SH3YL1: variants seen among roughly 807,000 people sequenced by gnomAD.
SH3YL1 encodes SH3 and SYLF domain containing 1.
In SH3YL1, 41 loss-of-function variants were observed where a neutral mutation model predicts 45.8. The ratio of observed to expected loss-of-function variants is 0.89; its 90% confidence interval spans 0.70 to 1.16. The LOEUF (loss-of-function observed/expected upper bound fraction) is 1.16, where lower values mean the gene tolerates loss of function less well. Among genes scored for constraint, SH3YL1 ranks in the 50% most tolerant of loss-of-function variants. The probability of loss-of-function intolerance (pLI) is 0.00; values close to 1 mark genes in which losing one functional copy is unlikely to be tolerated. For missense variants in SH3YL1, 389 were observed against 409.6 expected, an observed-to-expected ratio of 0.95 and a Z score of 0.43; for synonymous variants, 152 against 151.4, an observed-to-expected ratio of 1.00 and a Z score of -0.03.
chr2:260,594 A>G (rs4854299), intron 1 of SH3YL1: 152,213 of 152,366 alleles, frequency 1, 76,032 homozygotes, highest in Middle Eastern at 1. Flanking sequence ...CAAAGCCTTC[A>G]TAGGGGAACC....
chr2:231,327 A>G, intron 6 of SH3YL1, 136 bp from the exon 7 acceptor site: 1 of 686,514 alleles, frequency 1.5e-6, no homozygotes, highest in Admixed American at 3.1e-5. Context: ...CTTTTTAAAC[A>G]CTAACTTTAA....
intron 9 of SH3YL1, among the ~76,000 whole-genome samples, chr2:221,555 G>A (rs777481513): frequency 6.6e-6 from 1 of 152,192 alleles, no homozygotes; most frequent in Admixed American, 6.5e-5. Context: ...CAGAGTGAGA[G>A]AGGAGGGTAG....
intron 4 of SH3YL1, among the ~76,000 whole-genome samples, chr2:245,599 A>G (rs561310599): frequency 6.6e-6 from 1 of 152,254 alleles, no homozygotes; most frequent in East Asian, 1.9e-4. Context: ...GCTACTTCCT[A>G]ACATCACAGA....
chr2:224,029 T>C (rs371700917), intron 9 of SH3YL1, among the ~76,000 whole-genome samples: 81 of 152,342 alleles, frequency 5.3e-4, no homozygotes, highest in African/African-American at 1.9e-3. Context: ...TAAAATATGC[T>C]TGAGTACCTA....
Position 228,310 on chromosome 2 carries a change from C to T in SH3YL1, c.781+1656G>A, listed in dbSNP as rs113653371. On this transcript the variant is annotated intron_variant, in intron 8 of 9. Coordinates refer to ENST00000356150, the MANE Select transcript of SH3YL1 (RefSeq NM_015677.4). ...ACGTGGTCACCGTGGGAAACAGATC[C>T]GCAAGCTGGCACAGGCAAAGGGCCT... is the stretch of plus-strand genomic sequence containing the variant. Among the ~76,000 whole-genome samples the T allele has an allele frequency of 7.9e-5, 12 of 152,296 alleles. 1 individual carries two copies. The highest frequency in any genetic ancestry group is 2.2e-4 in the African/African-American group (9 of 41,562).
chr2:264,090 CAG>C (rs1004040281), upstream of SH3YL1: 11 of 1,339,698 alleles, frequency 8.2e-6, no homozygotes, highest in African/African-American at 1.7e-4. Flanking sequence ...GTACCTGCGG[CAG>C]GTGACGAAGG....
chr2:239,846 A>G (rs1668465972), intron 4 of SH3YL1: 1 of 152,228 alleles, frequency 6.6e-6, no homozygotes, highest in African/African-American at 2.4e-5. Flanking sequence ...AAATGAAGAC[A>G]CATTGATTCA....
At chr2:233,466 C>T (rs1335901811) in intron 5 of SH3YL1, among the ~76,000 whole-genome samples, 7 of 152,160 alleles carry the variant, frequency 4.6e-5, no homozygotes. Flanking sequence ...TAACATAGAA[C>T]TGTGTTGAAA....
chr2:264,658 C>T (rs1340924799), upstream of SH3YL1: 5 of 294,910 alleles, frequency 1.7e-5, no homozygotes, highest in African/African-American at 2.3e-5. Flanking sequence ...GGCCCTACTC[C>T]CTCCAGGTGA....
chr2:264,043 T>TGCCCCGCCCC (rs1669730152), upstream of SH3YL1: 1 of 1,361,178 alleles, frequency 7.3e-7, no homozygotes, highest in East Asian at 3.1e-5. Flanking sequence ...GAAGGCGCGC[T>TGCCCCGCCCC]GCCCCGCCCC....
intron 9 of SH3YL1, among the ~76,000 whole-genome samples, chr2:219,987 T>C (rs941498820): frequency 2.6e-5 from 4 of 151,994 alleles, no homozygotes; most frequent in Non-Finnish European, 5.9e-5. Flanking sequence ...GCAGTTAACA[T>C]GAATAAAGGA....
At chr2:248,974 A>G (rs991947425) in intron 3 of SH3YL1, among the ~76,000 whole-genome samples, 1 of 152,218 alleles carries the variant, frequency 6.6e-6, no homozygotes, top group Non-Finnish European at 1.5e-5. Flanking sequence ...ATATTTCACA[A>G]ATGTATATAT....
rs146133899 is a variant in SH3YL1, at chr2:263,197, G to A, written c.1+787C>T. 3.3e-3 allele frequency: 507 copies of A among 155,004 alleles called. 2 individuals carry two copies. Among genetic ancestry groups the A allele is most frequent in the Non-Finnish European group, 5.4e-3 (375 of 69,754 alleles). The allele number at this position is 155,004 out of a possible 1,614,324, so 9.6% of individuals were successfully genotyped here. A position where few individuals can be genotyped will look rare whatever the true frequency, so the allele number is the denominator to read the frequency against. ...GGACATGCATCTCCTGTAAGCAGAA[G>A]AGAAACCGAGCACCTGCTCTCTTGC... On this transcript the variant is annotated intron_variant, in intron 1 of 9. Coordinates refer to ENST00000356150, the MANE Select transcript of SH3YL1 (RefSeq NM_015677.4).
At chr2:252,603 C>A (rs868430202) in intron 2 of SH3YL1, among the ~76,000 whole-genome samples, 1 of 152,036 alleles carries the variant, frequency 6.6e-6, no homozygotes, top group Non-Finnish European at 1.5e-5. Context: ...GGAGAAGTGG[C>A]AGGAATGCAA....
In SH3YL1 at chr2:221,447, A is replaced by G. The variant is rs1667570086; in HGVS notation, c.839-2446T>C. Among the ~76,000 whole-genome samples, 3 of 152,064 alleles carry G rather than the reference A, an allele frequency of 2.0e-5. 1 individual carries two copies. Among genetic ancestry groups the G allele is most frequent in the Admixed American group, 6.6e-5 (1 of 15,266 alleles). On this transcript the variant is annotated intron_variant, in intron 9 of 9. Transcript: ENST00000356150. ...ATATTATGAACTAAGAAAGAGAAAG[A>G]AGGCGAGATCACACACCTGGTTTGG... is the stretch of plus-strand genomic sequence containing the variant.
chr2:248,366 G>C (rs570235294), intron 3 of SH3YL1, among the ~76,000 whole-genome samples: 17 of 152,168 alleles, frequency 1.1e-4, no homozygotes, highest in Non-Finnish European at 1.9e-4. Context: ...AATATATCCA[G>C]AACTATCCTA....
At chr2:224,745 C>G in intron 9 of SH3YL1, 119 bp downstream of exon 9, 1 of 751,802 alleles carries the variant, frequency 1.3e-6, no homozygotes, top group South Asian at 1.7e-5. Context: ...TGTGAATATT[C>G]TATAAATTAA....
chr2:257,547 A>T (rs1394841413), intron 1 of SH3YL1, among the ~76,000 whole-genome samples: 1 of 152,148 alleles, frequency 6.6e-6, no homozygotes, highest in East Asian at 1.9e-4. Context: ...TACTTCAACC[A>T]CTCATACACT....
chr2:257,281 G>C (rs1208385961), intron 1 of SH3YL1, among the ~76,000 whole-genome samples: 2 of 152,014 alleles, frequency 1.3e-5, no homozygotes, highest in Admixed American at 1.3e-4. Context: ...ATTGCTTTTG[G>C]CATCTTTATC....
Sources: allele counts gnomAD v4.1 joint callset (sites outside exome capture counted in the v4.1 genomes callset), GRCh38; gene constraint gnomAD v4.1.1; transcripts MANE v1.5; gene names NCBI Gene and HGNC (gene_info 2026-07-23, HGNC 2026-07-21).